GAL3ST1: variants seen among roughly 807,000 people sequenced by gnomAD.
The protein encoded by GAL3ST1 is galactose-3-O-sulfotransferase 1.
GAL3ST1 carries 13 observed loss-of-function variants against 25.0 expected under a neutral mutation model. The ratio of observed to expected loss-of-function variants is 0.52; its 90% CI spans 0.34 to 0.83. The LOEUF (loss-of-function observed/expected upper bound fraction) is 0.83. Ranked by LOEUF, GAL3ST1 falls within the 40% of genes least tolerant of loss-of-function variation. The pLI is 0.02. For missense variants in GAL3ST1, 474 were observed against 613.6 expected (o/e 0.77, Z 2.40); for synonymous variants, 274 against 277.8 (o/e 0.99, Z 0.14).
intron 1 of GAL3ST1, chr22:30,560,178 T>C (rs2086312504): frequency 6.6e-6 from 1 of 152,124 alleles, no homozygotes; most frequent in African/African-American, 2.4e-5. Context: ...CGTTAACAAA[T>C]GTGTTAGTTA....
chr22:30,568,874 G>A (rs144668326), intron 1 of GAL3ST1, among the ~76,000 whole-genome samples: 1 of 152,036 alleles, frequency 6.6e-6, no homozygotes, highest in African/African-American at 2.4e-5. Context: ...TTAGGGGTCC[G>A]AGACCAGCCT....
intron 1 of GAL3ST1, among the ~76,000 whole-genome samples, chr22:30,562,595 C>T (rs972741757): frequency 6.6e-6 from 1 of 152,210 alleles, no homozygotes; most frequent in Non-Finnish European, 1.5e-5. Context: ...TTCCATGCCC[C>T]GCTGCAGGCA....
chr22:30,562,807 G>C (rs1569004517), intron 1 of GAL3ST1, among the ~76,000 whole-genome samples: 1 of 152,226 alleles, frequency 6.6e-6, no homozygotes, highest in Non-Finnish European at 1.5e-5. Flanking sequence ...ACAGACGAAA[G>C]TAATACATGT....
intron 1 of GAL3ST1, among the ~76,000 whole-genome samples, chr22:30,561,496 C>T (rs1211339268): frequency 6.6e-6 from 1 of 152,220 alleles, no homozygotes; most frequent in Middle Eastern, 3.2e-3. Context: ...CAGGAGGTGA[C>T]ATAACTTGTC....
At chr22:30,559,389 C>T (rs988489608) in intron 1 of GAL3ST1, among the ~76,000 whole-genome samples, 35 of 151,682 alleles carry the variant, frequency 2.3e-4, no homozygotes, top group African/African-American at 4.6e-4. Context: ...TACAGGCACA[C>T]GCCACCACAC....
chr22:30,562,407 C>A (rs1233318058), intron 1 of GAL3ST1, among the ~76,000 whole-genome samples: 1 of 152,144 alleles, frequency 6.6e-6, no homozygotes, highest in Admixed American at 6.6e-5. Flanking sequence ...AGTTCCTGGC[C>A]TCAAGTGATC....
intron 1 of GAL3ST1, among the ~76,000 whole-genome samples, chr22:30,574,127 A>C (rs2086844133): frequency 6.6e-6 from 1 of 152,068 alleles, no homozygotes; most frequent in Non-Finnish European, 1.5e-5. Context: ...AAGATTAATC[A>C]TTAACGCACT....
chr22:30,561,845 A>G (rs4149488), intron 1 of GAL3ST1, among the ~76,000 whole-genome samples: 9,371 of 152,180 alleles, frequency 0.062, 556 homozygotes, highest in East Asian at 0.18. Flanking sequence ...TTTCCTGCCT[A>G]GCTACTGTAA....
At chr22:30,559,149 C>T (rs1035313044) in intron 1 of GAL3ST1, among the ~76,000 whole-genome samples, 2 of 151,632 alleles carry the variant, frequency 1.3e-5, no homozygotes, top group African/African-American at 4.8e-5. Context: ...CAGAGTGAGA[C>T]TCTGTCTCAA....
intron 1 of GAL3ST1, among the ~76,000 whole-genome samples, chr22:30,570,852 A>G (rs1198385178): frequency 6.6e-6 from 1 of 152,106 alleles, no homozygotes; most frequent in African/African-American, 2.4e-5. Flanking sequence ...AAACTTATTC[A>G]TGTAGAGAAA....
chr22:30,559,309 C>CGGCTCCCTGCAACCTT (rs2086234399), intron 1 of GAL3ST1, among the ~76,000 whole-genome samples: 1 of 152,074 alleles, frequency 6.6e-6, no homozygotes, highest in Non-Finnish European at 1.5e-5. Flanking sequence ...GGCGCAATCT[C>CGGCTCCCTGCAACCTT]GGCTCCCTGC....
intron 1 of GAL3ST1, among the ~76,000 whole-genome samples, chr22:30,570,134 C>T (rs1416837874): frequency 2.6e-5 from 4 of 152,286 alleles, no homozygotes; most frequent in Middle Eastern, 3.4e-3. Flanking sequence ...GAGGCACATC[C>T]GTGCTGTTTG....
At chr22:30,572,844 C>G (rs1330889003) in intron 1 of GAL3ST1, 1 of 152,356 alleles carries the variant, frequency 6.6e-6, no homozygotes, top group Non-Finnish European at 1.5e-5. Flanking sequence ...AGCCTGCAGC[C>G]GGGCCCAGAA....
At chr22:30,557,142 G>T (rs1276787888) in intron 3 of GAL3ST1, 120 bp downstream of exon 3, 2 of 947,066 alleles carry the variant, frequency 2.1e-6, no homozygotes, top group Non-Finnish European at 3.2e-6. Context: ...GCATGGTGCA[G>T]GGTGCAGGGT....
At chr22:30,571,014 A>ACT (rs1555888882) in intron 1 of GAL3ST1, among the ~76,000 whole-genome samples, 4 of 146,068 alleles carry the variant, frequency 2.7e-5, no homozygotes, top group African/African-American at 5.0e-5. Context: ...ACACACACAC[A>ACT]CTCTTTACAA....
intron 3 of GAL3ST1, among the ~76,000 whole-genome samples, 186 bp downstream of exon 3, chr22:30,557,076 C>T (rs1451235346): frequency 6.6e-6 from 1 of 152,182 alleles, no homozygotes; most frequent in Non-Finnish European, 1.5e-5. Context: ...ATGGGCACAC[C>T]AAGGCTCAGA....
At chr22:30,569,678 G>T (rs1056442723) in intron 1 of GAL3ST1, among the ~76,000 whole-genome samples, 1 of 152,162 alleles carries the variant, frequency 6.6e-6, no homozygotes, top group African/African-American at 2.4e-5. Context: ...CCAGGGAAGG[G>T]TGAGGAAGGA....
chr22:30,573,478 G>C (rs2086833551), intron 1 of GAL3ST1, among the ~76,000 whole-genome samples: 1 of 152,230 alleles, frequency 6.6e-6, no homozygotes, highest in Admixed American at 6.5e-5. Context: ...CTCTGGTCCA[G>C]GACTGCCCTC....
chr22:30,570,027 G>C (rs532628552), intron 1 of GAL3ST1, among the ~76,000 whole-genome samples: 3 of 152,252 alleles, frequency 2.0e-5, no homozygotes, highest in Admixed American at 2.0e-4. Context: ...AGGTTACAGA[G>C]AGGTATGAAC....
Sources: gnomAD v4.1 joint callset for allele counts (sites outside exome capture counted in the v4.1 genomes callset) on GRCh38, gnomAD v4.1.1 for gene constraint, MANE v1.5 for transcripts, NCBI Gene and HGNC (gene_info 2026-07-23, HGNC 2026-07-21) for gene names.